Variants in EPAS1 observed in about 807,000 individuals in gnomAD.
EPAS1 encodes endothelial PAS domain-containing protein 1.
EPAS1 carries 23 observed loss-of-function variants against 87.9 expected under a neutral mutation model. That is an observed-to-expected ratio of 0.26 (90% CI 0.19 to 0.37). The LOEUF (loss-of-function observed/expected upper bound fraction) is 0.37. Among genes scored for constraint, EPAS1 ranks in the 10% least tolerant of loss-of-function variants. EPAS1 has a pLI of 1.00. For synonymous variants in EPAS1, 508 were observed against 444.3 expected, an observed-to-expected ratio of 1.14 and a Z score of -1.80; for missense variants, 1,138 against 1,120.7, an observed-to-expected ratio of 1.02 and a Z score of -0.22.
chr2:46,377,598 T>G (rs539736577), intron 9 of EPAS1, among the ~76,000 whole-genome samples: 2 of 152,350 alleles, frequency 1.3e-5, no homozygotes, highest in African/African-American at 2.4e-5. Flanking sequence ...TCTCATACCT[T>G]CCTTGTCTAC....
At chr2:46,325,711 G>C (rs977068583) in intron 1 of EPAS1, among the ~76,000 whole-genome samples, 2 of 152,152 alleles carry the variant, frequency 1.3e-5, no homozygotes, top group Non-Finnish European at 2.9e-5. Context: ...GGACATACAC[G>C]CTCACTTCCA....
chr2:46,317,564 C>G (rs1318483699), intron 1 of EPAS1, among the ~76,000 whole-genome samples: 3 of 152,168 alleles, frequency 2.0e-5, no homozygotes, highest in African/African-American at 7.2e-5. Flanking sequence ...TTTAAGAACC[C>G]TAGGACTTAC....
At chr2:46,303,871 G>A (rs1683058611) in intron 1 of EPAS1, among the ~76,000 whole-genome samples, 1 of 152,178 alleles carries the variant, frequency 6.6e-6, no homozygotes. Context: ...CTGTGGTGAA[G>A]AATGGGGAGG....
At position 46,321,181 on chromosome 2, in the gene EPAS1, G is replaced by A. The variant is rs1572618934; in HGVS notation, c.26+23244G>A. ...ATTTCACTTAGCATAATGTTTTCAA[G>A]GTTCATCCAAGTTACAACATGTATT... On this transcript the variant is annotated intron_variant, in intron 1 of 15. Coordinates refer to ENST00000263734, the MANE Select transcript of EPAS1 (RefSeq NM_001430.5). Among the ~76,000 whole-genome samples the A allele has an allele frequency of 3.3e-5, 5 of 152,274 alleles. No individual in the cohort carries two copies. In the East Asian group the frequency reaches 7.7e-4, roughly 23 times the overall value.
intron 9 of EPAS1, 136 bp from the exon 10 acceptor site, chr2:46,377,758 G>A: frequency 7.0e-7 from 1 of 1,429,050 alleles, no homozygotes; most frequent in South Asian, 1.2e-5. Flanking sequence ...CTGAGCCCCA[G>A]GGTGTTGGGG....
intron 1 of EPAS1, among the ~76,000 whole-genome samples, chr2:46,315,039 C>T (rs1683284355): frequency 6.6e-6 from 1 of 152,220 alleles, no homozygotes; most frequent in Non-Finnish European, 1.5e-5. Context: ...CCCTCTGTGC[C>T]TCAGTTTCCA....
At chr2:46,321,630 T>G (rs1440736495) in intron 1 of EPAS1, among the ~76,000 whole-genome samples, 1 of 152,176 alleles carries the variant, frequency 6.6e-6, no homozygotes, top group East Asian at 1.9e-4. Flanking sequence ...GATTTACATT[T>G]TCCTAATGAT....
intron 6 of EPAS1, 111 bp downstream of exon 6, chr2:46,361,201 G>C: frequency 8.1e-7 from 1 of 1,227,474 alleles, no homozygotes; most frequent in South Asian, 1.3e-5. Context: ...TGGTATTGCC[G>C]GGTGCATGTT....
intron 1 of EPAS1, among the ~76,000 whole-genome samples, chr2:46,313,501 C>A (rs1488149532): frequency 6.6e-6 from 1 of 151,968 alleles, no homozygotes; most frequent in Admixed American, 6.6e-5. Flanking sequence ...CGCCAGGCTG[C>A]AGTGCAATGG....
intron 7 of EPAS1, among the ~76,000 whole-genome samples, chr2:46,372,061 A>G (rs1684638141): frequency 6.6e-6 from 1 of 152,192 alleles, no homozygotes; most frequent in African/African-American, 2.4e-5. Flanking sequence ...TGCTGACTCT[A>G]GGGAAAATAA....
chr2:46,326,165 C>T (rs1369069310), intron 1 of EPAS1, among the ~76,000 whole-genome samples: 2 of 152,160 alleles, frequency 1.3e-5, no homozygotes, highest in African/African-American at 4.8e-5. Flanking sequence ...TTGGGAAACA[C>T]TAGAATCTTG....
intron 1 of EPAS1, among the ~76,000 whole-genome samples, chr2:46,329,799 A>G (rs1456763979): frequency 6.6e-6 from 1 of 152,196 alleles, no homozygotes; most frequent in African/African-American, 2.4e-5. Flanking sequence ...TCTGGGTGAC[A>G]GAGCAAGACT....
At chr2:46,368,614 G>A (rs1684555401) in intron 6 of EPAS1, among the ~76,000 whole-genome samples, 1 of 152,184 alleles carries the variant, frequency 6.6e-6, no homozygotes, top group Non-Finnish European at 1.5e-5. Context: ...GTTTAGAGCA[G>A]AGACAGGAAA....
rs1321429814 is a variant in EPAS1 at position 46,371,597 on chromosome 2, G to C, written c.886+1664G>C. On this transcript the variant is annotated intron_variant, in intron 7 of 15. Transcript: ENST00000263734. The surrounding 1 kb of genome is among the most constrained non-coding windows in gnomAD (Gnocchi z 4.3). ...TGTGACCCCACCTTAGCCTGCCCAA[G>C]CTTTGAAATTGTAACATCTGGTTCC... Among the ~76,000 whole-genome samples, 1 of 152,174 alleles carries C rather than the reference G, an allele frequency of 6.6e-6. No homozygotes were observed. The highest frequency in any genetic ancestry group is 2.4e-5 in the African/African-American group (1 of 41,448).
At chr2:46,335,796 C>A (rs1436222224) in intron 1 of EPAS1, 1 of 152,104 alleles carries the variant, frequency 6.6e-6, no homozygotes, top group Non-Finnish European at 1.5e-5. Context: ...TTCATCCTTT[C>A]TGCCGGCGGG....
At chr2:46,336,229 TTGTC>T (rs1252214141) in intron 1 of EPAS1, among the ~76,000 whole-genome samples, 1 of 152,166 alleles carries the variant, frequency 6.6e-6, no homozygotes, top group East Asian at 1.9e-4. Context: ...TTTACCCAGT[TTGTC>T]TGCCCTAGCC....
At chr2:46,351,507 C>T (rs984014915) in intron 2 of EPAS1, among the ~76,000 whole-genome samples, 2 of 152,106 alleles carry the variant, frequency 1.3e-5, no homozygotes, top group Non-Finnish European at 2.9e-5. Context: ...GTAAGCGATC[C>T]CAGAGTGATT....
At chr2:46,320,656 T>C (rs2104849025) in intron 1 of EPAS1, among the ~76,000 whole-genome samples, 1 of 152,310 alleles carries the variant, frequency 6.6e-6, no homozygotes, top group Admixed American at 6.5e-5. Flanking sequence ...GCAGATATGC[T>C]TGGAGTGTGG....
At position 46,382,486 on chromosome 2, in the gene EPAS1, ACAGCCT is replaced by A. The variant is rs907821811; in HGVS notation, c.2351_2356del (p.Gln784_Pro785del). The stretch of plus-strand genomic sequence containing the variant: ...ATCCCCTGAGACATCTGCCGCTGCC[ACAGCCT>A]CCATCTGCCATCAGTCCCGGGGAGA... On this transcript the variant is annotated inframe_deletion, in exon 15 of 16. Coordinates refer to ENST00000263734, the MANE Select transcript of EPAS1 (RefSeq NM_001430.5). 2 of 1,614,016 alleles carry A rather than the reference ACAGCCT, an allele frequency of 1.2e-6. No individual in the cohort carries two copies. Among genetic ancestry groups the A allele is most frequent in the African/African-American group, 2.7e-5 (2 of 74,926 alleles).
Sources: allele counts gnomAD v4.1 joint callset (sites outside exome capture counted in the v4.1 genomes callset), GRCh38; gene constraint gnomAD v4.1.1; non-coding constraint Gnocchi (gnomAD v3.1); transcripts MANE v1.5; gene names NCBI Gene and HGNC (gene_info 2026-07-23, HGNC 2026-07-21).